The following RYR3 variants were observed in gnomAD, a reference collection of about 807,000 sequenced individuals.
RYR3 encodes ryanodine receptor 3, also known as brain ryanodine receptor-calcium release channel.
Under a neutral mutation model 584.3 loss-of-function variants are expected in RYR3, and 207 were observed. The observed-to-expected ratio is 0.35, with a 90% CI of 0.32 to 0.40. The LOEUF (loss-of-function observed/expected upper bound fraction) is 0.40, where lower values mean the gene tolerates loss of function less well. Among genes scored for constraint, RYR3 ranks in the 10% least tolerant of loss-of-function variants. The pLI is 1.00. For missense variants in RYR3, 5,616 were observed against 6,089.2 expected (o/e 0.92, Z 2.59); for synonymous variants, 2,416 against 2,248.5 (o/e 1.07, Z -2.11).
intron 1 of RYR3, among the ~76,000 whole-genome samples, chr15:33,365,156 G>A (rs75574498): frequency 0.018 from 2,793 of 152,288 alleles, 98 homozygotes; most frequent in African/African-American, 0.064. Flanking sequence ...AGTTCAGCTG[G>A]TGCAGAAAGA....
chr15:33,623,670 T>C (rs2060840480), intron 19 of RYR3, 137 bp from the exon 20 acceptor site: 3 of 636,726 alleles, frequency 4.7e-6, no homozygotes, highest in Non-Finnish European at 5.5e-6. Flanking sequence ...ATGTTTGCTG[T>C]GGTTAACCTG....
intron 2 of RYR3, among the ~76,000 whole-genome samples, chr15:33,487,949 A>C (rs2050603345): frequency 6.6e-6 from 1 of 152,234 alleles, no homozygotes; most frequent in Non-Finnish European, 1.5e-5. Flanking sequence ...GGAATGGAGA[A>C]GGGAAATAGA....
At chr15:33,403,476 T>A (rs752726577) in intron 1 of RYR3, among the ~76,000 whole-genome samples, 1 of 152,204 alleles carries the variant, frequency 6.6e-6, no homozygotes, top group Non-Finnish European at 1.5e-5. Flanking sequence ...GAAATACTTT[T>A]GAAGTGTCAA....
intron 57 of RYR3, among the ~76,000 whole-genome samples, 152 bp from the exon 58 acceptor site, chr15:33,754,913 G>A (rs1313361828): frequency 6.6e-6 from 1 of 152,150 alleles, no homozygotes; most frequent in African/African-American, 2.4e-5. Flanking sequence ...TTCCAAGTGA[G>A]AGGGGAAATC....
Position 33,725,154 on chromosome 15 carries a change from T to TACACACACAC in RYR3, c.6912+1018_6912+1027dup, listed in dbSNP as rs58951939. Among the ~76,000 whole-genome samples the TACACACACAC allele has an allele frequency of 4.4e-3, 498 of 113,874 alleles. 7 individuals carry two copies. Among genetic ancestry groups the TACACACACAC allele is most frequent in the African/African-American group, 0.014 (432 of 30,056 alleles). 74.7% of individuals were successfully genotyped at this position (113,874 alleles called of 152,430 possible). ...TTACTGCCTCTCTGCTCCAACACCT[T>TACACACACAC]ACACACACACACACACACACACACA... On this transcript the variant is annotated intron_variant, in intron 45 of 103. Transcript: ENST00000634891.
chr15:33,829,880 A>G (rs1304951560), intron 85 of RYR3, among the ~76,000 whole-genome samples: 1 of 152,218 alleles, frequency 6.6e-6, no homozygotes, highest in Non-Finnish European at 1.5e-5. Flanking sequence ...GAGGAAATAA[A>G]TGCAGACGTG....
chr15:33,362,380 C>T (rs981311149), intron 1 of RYR3, among the ~76,000 whole-genome samples: 6 of 152,076 alleles, frequency 3.9e-5, no homozygotes, highest in African/African-American at 1.4e-4. Context: ...ACAGCAACCA[C>T]TTGGTAAATG....
chr15:33,428,241 G>C (rs1486392700), intron 1 of RYR3, among the ~76,000 whole-genome samples: 1 of 152,068 alleles, frequency 6.6e-6, no homozygotes, highest in Non-Finnish European at 1.5e-5. Flanking sequence ...TATTGCATTC[G>C]AGTTAATGAG....
At chr15:33,715,787 G>C (rs2067448986) in intron 43 of RYR3, among the ~76,000 whole-genome samples, 1 of 152,156 alleles carries the variant, frequency 6.6e-6, no homozygotes, top group Non-Finnish European at 1.5e-5. Flanking sequence ...TGAAGGGCAA[G>C]AGACCATCCC....
intron 69 of RYR3, among the ~76,000 whole-genome samples, chr15:33,803,266 C>G (rs1456425942): frequency 6.6e-6 from 1 of 152,208 alleles, no homozygotes; most frequent in Non-Finnish European, 1.5e-5. Context: ...CATGAGGAAT[C>G]TTTGCTGCAA....
chr15:33,643,969 A>G (rs2061966612), intron 27 of RYR3, among the ~76,000 whole-genome samples: 1 of 152,170 alleles, frequency 6.6e-6, no homozygotes, highest in African/African-American at 2.4e-5. Context: ...ATCAATTTTA[A>G]CTAAGGGACA....
chr15:33,463,989 TAGTA>T (rs796551881), intron 1 of RYR3, among the ~76,000 whole-genome samples: 2 of 152,254 alleles, frequency 1.3e-5, no homozygotes, highest in East Asian at 3.9e-4. Context: ...GTTTACTACT[TAGTA>T]AGAACTAAAA....
intron 76 of RYR3, among the ~76,000 whole-genome samples, chr15:33,818,995 C>T (rs1317967513): frequency 1.3e-5 from 2 of 152,046 alleles, no homozygotes; most frequent in Admixed American, 6.5e-5. Flanking sequence ...TGGTGGTGCA[C>T]GCATGTAATC....
chr15:33,643,436 G>A (rs948310725), intron 27 of RYR3, among the ~76,000 whole-genome samples: 4 of 152,212 alleles, frequency 2.6e-5, no homozygotes, highest in Non-Finnish European at 5.9e-5. Flanking sequence ...TCTGTTTTGA[G>A]TGGTAGTTTT....
chr15:33,675,981 C>A (rs201703693), intron 38 of RYR3, among the ~76,000 whole-genome samples: 1 of 44,072 alleles, frequency 2.3e-5, no homozygotes, highest in African/African-American at 4.5e-5. Context: ...AGGATAATTG[C>A]CCCCCAAAGA....
Position 33,543,633 on chromosome 15 carries a change from G to A in RYR3, c.658G>A (p.Gly220Ser). 6.2e-7 allele frequency: 1 copy of A among 1,603,782 alleles called. No homozygotes were observed. The highest frequency in any genetic ancestry group is 8.5e-7 in the Non-Finnish European group (1 of 1,170,726). Residue 220 changes from glycine (G) to serine (S), a missense_variant, in exon 8 of 104, where the codon GGT becomes AGT. Physicochemically the swap from Gly to Ser is moderately conservative, Grantham distance 56 (BLOSUM62 0). Around this residue, in one of 9 missense-constraint regions of RYR3, gnomAD observed 1,284 missense variants for 1,344.6 expected, o/e 0.95. Coordinates refer to ENST00000634891, the MANE Select transcript of RYR3 (RefSeq NM_001036.6). ...GSSIEEGYLL[G>S]GHVVRLFHGH... ...TAATTCTCTTACAGGATACCTACTT[G>A]GTGGGCATGTAGTACGTCTTTTCCA...
rs1395999640 is a variant in RYR3 at position 33,322,958 on chromosome 15, CAA to C, written c.51+11863_51+11864del. ...CACCACTATCATGTACAGTCTCTGACAAGAGAGTGGTTAAGAGCTTACAGTAA... is the reference window on the plus strand; with the variant it reads ...CACCACTATCATGTACAGTCTCTGACGAGAGTGGTTAAGAGCTTACAGTAA... On this transcript the variant is annotated intron_variant, in intron 1 of 103. Transcript: ENST00000634891. 2.0e-5 allele frequency among the ~76,000 whole-genome samples: 3 copies of C among 150,650 alleles called. 1 individual carries two copies. Among genetic ancestry groups the C allele is most frequent in the Admixed American group, 1.3e-4 (2 of 15,118 alleles).
At chr15:33,808,663 C>T (rs1056182970) in intron 70 of RYR3, among the ~76,000 whole-genome samples, 1 of 152,114 alleles carries the variant, frequency 6.6e-6, no homozygotes, top group African/African-American at 2.4e-5. Flanking sequence ...GAGTCGCAAC[C>T]TTTAGAATTT....
intron 32 of RYR3, 54 bp from the exon 33 acceptor site, chr15:33,659,666 G>A (rs1333312065): frequency 2.6e-6 from 3 of 1,165,668 alleles, no homozygotes; most frequent in African/African-American, 3.0e-5. Flanking sequence ...GGCTGAGCCA[G>A]CTGTGTTGTT....
Sources: allele counts gnomAD v4.1 joint callset (sites outside exome capture counted in the v4.1 genomes callset), GRCh38; gene constraint gnomAD v4.1.1; regional missense constraint gnomAD v4.1.1; transcripts MANE v1.5; gene names NCBI Gene and HGNC (gene_info 2026-07-23, HGNC 2026-07-21).